METTL15: variants seen among roughly 807,000 people sequenced by gnomAD.
METTL15 encodes 12S rRNA N(4)-cytidine methyltransferase METTL15.
METTL15 carries 34 observed loss-of-function variants against 38.3 expected under a neutral mutation model. That is an observed-to-expected ratio of 0.89 (90% CI 0.68 to 1.18). The LOEUF (loss-of-function observed/expected upper bound fraction) is 1.18, where lower values mean the gene tolerates loss of function less well. Among genes scored for constraint, METTL15 ranks in the 50% most tolerant of loss-of-function variants. METTL15 has a pLI of 0.00. For synonymous variants in METTL15, 162 were observed against 170.9 expected, an observed-to-expected ratio of 0.95 and a Z score of 0.41; for missense variants, 438 against 498.4, an observed-to-expected ratio of 0.88 and a Z score of 1.15.
chr11:28,195,878 G>T (rs1170921991), intron 3 of METTL15, among the ~76,000 whole-genome samples: 1 of 151,162 alleles, frequency 6.6e-6, no homozygotes. Flanking sequence ...TCTTGAGTTG[G>T]TCTGAAATGA....
chr11:28,327,215 C>A (rs1432444199), intron 6 of METTL15, among the ~76,000 whole-genome samples: 1 of 152,158 alleles, frequency 6.6e-6, no homozygotes, highest in Admixed American at 6.5e-5. Context: ...AGGACGACAT[C>A]TAGAAACGTC....
At chr11:28,248,625 A>G (rs1854610609) in intron 4 of METTL15, among the ~76,000 whole-genome samples, 1 of 152,058 alleles carries the variant, frequency 6.6e-6, no homozygotes. Flanking sequence ...TTTTTAGAGA[A>G]TGTACATTTA....
Position 28,211,169 on chromosome 11 carries a change from A to G in METTL15, c.378A>G (p.Ala126=). The G allele has an allele frequency of 6.2e-7, 1 of 1,611,080 alleles. No individual in the cohort carries two copies. The highest frequency in any genetic ancestry group is 8.5e-7 in the Non-Finnish European group (1 of 1,178,668). ...YALDRDPTAY[A]LAEHLSELYP... ...TGGACAGAGACCCAACAGCTTATGCATTAGCTGAACATCTTTCAGAGTTGT... is the reference window on the plus strand; with the variant it reads ...TGGACAGAGACCCAACAGCTTATGCGTTAGCTGAACATCTTTCAGAGTTGT... The change falls in exon 4 of 7, where the codon GCA becomes GCG. Residue 126 remains alanine (A), a synonymous_variant. Coordinates refer to ENST00000407364, the MANE Select transcript of METTL15 (RefSeq NM_001113528.2).
intron 4 of METTL15, among the ~76,000 whole-genome samples, chr11:28,281,395 C>G (rs947404774): frequency 1.3e-5 from 2 of 152,164 alleles, no homozygotes; most frequent in African/African-American, 4.8e-5. Context: ...TCCTCAGTTT[C>G]TTCAGCTCTC....
intron 6 of METTL15, among the ~76,000 whole-genome samples, chr11:28,429,452 C>T (rs1473077890): frequency 1.6e-5 from 2 of 127,510 alleles, no homozygotes; most frequent in African/African-American, 5.9e-5. Flanking sequence ...CATCTCGGCT[C>T]ACTGCAACCT....
rs1230790369 is a variant in METTL15 at position 28,491,719 on chromosome 11, A to G, written c.*425-34759A>G. On this transcript the variant is annotated intron_variant and NMD_transcript_variant, in intron 6 of 7. Coordinates refer to the METTL15 transcript ENST00000532947. ...ACCTCCTCTGGAAAGATTACCAGAT[A>G]TAATATAGAACATCAATTAAATGTG... Among the ~76,000 whole-genome samples the G allele has an allele frequency of 3.3e-5, 5 of 152,164 alleles. No individual in the cohort carries two copies. The East Asian group carries it at 9.6e-4, about 29-fold the overall frequency.
At chr11:28,511,018 C>T (rs1296856938) in intron 6 of METTL15, among the ~76,000 whole-genome samples, 1 of 152,150 alleles carries the variant, frequency 6.6e-6, no homozygotes, top group Admixed American at 6.5e-5. Context: ...GTATCGTAGA[C>T]TTCTTAAGAT....
chr11:28,149,205 AG>A (rs1849992995), intron 3 of METTL15, among the ~76,000 whole-genome samples: 2 of 136,484 alleles, frequency 1.5e-5, no homozygotes, highest in Non-Finnish European at 3.1e-5. Flanking sequence ...TTTTTTTTTT[AG>A]CCATTTCTAC....
At chr11:28,512,321 C>T (rs558440661) in intron 6 of METTL15, among the ~76,000 whole-genome samples, 3 of 152,330 alleles carry the variant, frequency 2.0e-5, no homozygotes, top group East Asian at 1.9e-4. Context: ...GCCATTCCCA[C>T]GCAGTGCGCC....
At chr11:28,356,515 G>A (rs1235142976) in intron 4 of METTL15, among the ~76,000 whole-genome samples, 2 of 152,170 alleles carry the variant, frequency 1.3e-5, no homozygotes, top group African/African-American at 2.4e-5. Flanking sequence ...CAAAGTGGAG[G>A]CAAATGAAAA....
At chr11:28,413,193 CAGTT>C (rs1398842463) in intron 5 of METTL15, among the ~76,000 whole-genome samples, 8 of 151,952 alleles carry the variant, frequency 5.3e-5, no homozygotes, top group Non-Finnish European at 1.0e-4. Context: ...TATATGGGCT[CAGTT>C]AGCCATCATA....
At chr11:28,410,879 A>G (rs909982503) in intron 5 of METTL15, 5 of 152,108 alleles carry the variant, frequency 3.3e-5, no homozygotes, top group Non-Finnish European at 7.4e-5. Context: ...AACCCCAAAG[A>G]TTACATAAAA....
chr11:28,498,157 G>A (rs1159914095), intron 6 of METTL15, among the ~76,000 whole-genome samples: 1 of 152,006 alleles, frequency 6.6e-6, no homozygotes, highest in African/African-American at 2.4e-5. Context: ...CCACCACATT[G>A]GGGATTACAT....
chr11:28,177,535 A>G lies in METTL15; in HGVS notation c.271-33527A>G, dbSNP rs118127798. 7.2e-3 allele frequency among the ~76,000 whole-genome samples: 1,101 copies of G among 152,132 alleles called. 14 individuals carry two copies. The highest frequency in any genetic ancestry group is 8.8e-3 in the Non-Finnish European group (597 of 67,902). On this transcript the variant is annotated intron_variant, in intron 3 of 6. Transcript: ENST00000407364. ...TATGAAATATGGCAATGTAGGCCCA[A>G]CATTTAAGTTGTATGGATTAGGTAA...
At chr11:28,169,195 G>A (rs960845117) in intron 3 of METTL15, among the ~76,000 whole-genome samples, 2 of 152,102 alleles carry the variant, frequency 1.3e-5, no homozygotes, top group African/African-American at 4.8e-5. Context: ...TGTGAGAGGG[G>A]AATAGATTTG....
At chr11:28,480,357 A>G (rs993838416) in intron 6 of METTL15, among the ~76,000 whole-genome samples, 4 of 152,232 alleles carry the variant, frequency 2.6e-5, no homozygotes, top group Admixed American at 2.6e-4. Flanking sequence ...GTGTACCATT[A>G]TATAGTATTT....
chr11:28,374,749 T>G (rs897560420), intron 5 of METTL15, among the ~76,000 whole-genome samples: 35 of 151,456 alleles, frequency 2.3e-4, no homozygotes, highest in African/African-American at 6.3e-4. Context: ...GTGCCAGTTT[T>G]CAAAGGGAAT....
chr11:28,251,850 A>G (rs1565202601), intron 4 of METTL15, among the ~76,000 whole-genome samples: 1 of 152,088 alleles, frequency 6.6e-6, no homozygotes, highest in Non-Finnish European at 1.5e-5. Flanking sequence ...CCCAATGACT[A>G]TAATTGTTTT....
intron 3 of METTL15, among the ~76,000 whole-genome samples, chr11:28,165,165 C>T (rs1002160623): frequency 6.6e-6 from 1 of 152,078 alleles, no homozygotes; most frequent in Non-Finnish European, 1.5e-5. Flanking sequence ...GTGCAGATAT[C>T]TCTTTGATAT....
Sources: allele counts gnomAD v4.1 joint callset (sites outside exome capture counted in the v4.1 genomes callset), GRCh38; gene constraint gnomAD v4.1.1; transcripts MANE v1.5; gene names NCBI Gene and HGNC (gene_info 2026-07-23, HGNC 2026-07-21).